Variants in FAM107B observed in about 807,000 individuals in gnomAD.
The protein encoded by FAM107B is family with sequence similarity 107 member B.
A neutral mutation model predicts 31.5 loss-of-function variants in FAM107B; 21 were observed. That is an observed-to-expected ratio of 0.67 (90% CI 0.47 to 0.96). The LOEUF (loss-of-function observed/expected upper bound fraction) is 0.96, where lower values mean the gene tolerates loss of function less well. FAM107B is among the 40% of genes least tolerant of loss of function. The probability of loss-of-function intolerance (pLI) is 0.00; values close to 1 mark genes in which losing one functional copy is unlikely to be tolerated. For missense variants in FAM107B, 452 were observed against 377.1 expected, an observed-to-expected ratio of 1.20 and a Z score of -1.64; for synonymous variants, 157 against 141.5, an observed-to-expected ratio of 1.11 and a Z score of -0.78.
intron 1 of FAM107B, among the ~76,000 whole-genome samples, chr10:14,729,980 T>C (rs906371349): frequency 1.3e-5 from 2 of 151,514 alleles, no homozygotes; most frequent in African/African-American, 4.8e-5. Context: ...TAAATGGGAG[T>C]TGAACAATGA....
chr10:14,578,499 TG>T (rs1588628320), intron 2 of FAM107B, among the ~76,000 whole-genome samples: 1 of 152,066 alleles, frequency 6.6e-6, no homozygotes, highest in Non-Finnish European at 1.5e-5. Flanking sequence ...AAGCCTTCAC[TG>T]GGGAAAAAAA....
chr10:14,723,968 G>A, intron 1 of FAM107B: 5 of 749,720 alleles, frequency 6.7e-6, no homozygotes, highest in African/African-American at 1.7e-5. Context: ...TGGAAGTCAA[G>A]GTTAGTGTCA....
intron 1 of FAM107B, among the ~76,000 whole-genome samples, chr10:14,678,098 C>A (rs892851354): frequency 6.6e-6 from 1 of 152,176 alleles, no homozygotes; most frequent in Non-Finnish European, 1.5e-5. Context: ...TGGAACCTGA[C>A]GACAAGCCTA....
At chr10:14,757,066 C>T (rs1342333326) in intron 1 of FAM107B, among the ~76,000 whole-genome samples, 1 of 152,010 alleles carries the variant, frequency 6.6e-6, no homozygotes, top group Non-Finnish European at 1.5e-5. Flanking sequence ...AGGCTTAATA[C>T]CTGGATGATA....
chr10:14,744,618 C>G (rs370603767), intron 1 of FAM107B, among the ~76,000 whole-genome samples: 1 of 151,894 alleles, frequency 6.6e-6, no homozygotes, highest in Non-Finnish European at 1.5e-5. Context: ...TGGTTTTTGT[C>G]TTTAGTTCTG....
chr10:14,706,027 A>G (rs1337798159), intron 1 of FAM107B, among the ~76,000 whole-genome samples: 1 of 152,166 alleles, frequency 6.6e-6, no homozygotes, highest in African/African-American at 2.4e-5. Flanking sequence ...GCAAATTAAC[A>G]TACCCTTCCT....
intron 2 of FAM107B, among the ~76,000 whole-genome samples, chr10:14,601,593 C>T (rs1032313899): frequency 3.3e-5 from 5 of 152,174 alleles, no homozygotes; most frequent in Non-Finnish European, 7.4e-5. Flanking sequence ...GTGTGCCCCA[C>T]AGCACACTAG....
rs2131100172 is a variant in FAM107B at position 14,554,226 on chromosome 10, G to A, written c.470-23711C>T. 1.5e-5 allele frequency: 13 copies of A among 854,410 alleles called. No individual in the cohort carries two copies. In the South Asian group the frequency reaches 1.6e-4, roughly 11 times the overall value. 52.9% of individuals were successfully genotyped at this position (854,410 alleles called of 1,614,324 possible). A position where few individuals can be genotyped will look rare whatever the true frequency, so the allele number is the denominator to read the frequency against. On this transcript the variant is annotated intron_variant, in intron 2 of 4. Transcript: ENST00000181796. ...TACTCCACAAACACACCTCCCCCAC[G>A]AATACTTCCCACCTACCTTATGGCA...
intron 2 of FAM107B, among the ~76,000 whole-genome samples, chr10:14,547,355 A>G (rs766397852): frequency 7.9e-5 from 12 of 152,196 alleles, no homozygotes; most frequent in Non-Finnish European, 1.5e-4. Flanking sequence ...GTAAAATGAC[A>G]GCCAGTCATT....
intron 1 of FAM107B, among the ~76,000 whole-genome samples, chr10:14,689,141 C>T (rs2131506130): frequency 6.6e-6 from 1 of 152,156 alleles, no homozygotes; most frequent in Non-Finnish European, 1.5e-5. Flanking sequence ...TGGCTCACAC[C>T]TGTAATGGTG....
chr10:14,621,812 C>T (rs547587585), intron 2 of FAM107B, among the ~76,000 whole-genome samples: 44 of 151,680 alleles, frequency 2.9e-4, no homozygotes, highest in African/African-American at 8.2e-4. Context: ...CTGCTGAAAG[C>T]GGAGTATAAC....
At chr10:14,668,314 G>C (rs1251168818) in intron 1 of FAM107B, among the ~76,000 whole-genome samples, 1 of 152,042 alleles carries the variant, frequency 6.6e-6, no homozygotes, top group Non-Finnish European at 1.5e-5. Context: ...AAGTGCTGGG[G>C]TTCCAGGAGT....
chr10:14,528,415 C>T (rs1846569124), intron 3 of FAM107B, among the ~76,000 whole-genome samples: 2 of 152,122 alleles, frequency 1.3e-5, no homozygotes, highest in Non-Finnish European at 2.9e-5. Flanking sequence ...CTCCTGACCT[C>T]AGTGGATCCA....
intron 1 of FAM107B, among the ~76,000 whole-genome samples, chr10:14,742,568 G>A (rs923737937): frequency 7.2e-5 from 11 of 152,128 alleles, no homozygotes; most frequent in African/African-American, 1.9e-4. Flanking sequence ...CTAAATATTC[G>A]TGAAATGCCT....
chr10:14,751,833 G>A (rs11259307), intron 1 of FAM107B, among the ~76,000 whole-genome samples: 79 of 152,100 alleles, frequency 5.2e-4, no homozygotes, highest in African/African-American at 1.8e-3. Context: ...GTAACGCACC[G>A]AGACTGAAGC....
At chr10:14,711,263 C>T (rs1855639685) in intron 1 of FAM107B, among the ~76,000 whole-genome samples, 1 of 152,128 alleles carries the variant, frequency 6.6e-6, no homozygotes, top group South Asian at 2.1e-4. Context: ...TTTATAAAGG[C>T]TACAGTAGTA....
intron 2 of FAM107B, among the ~76,000 whole-genome samples, chr10:14,658,745 C>A (rs1048574708): frequency 2.0e-5 from 3 of 152,184 alleles, no homozygotes; most frequent in Non-Finnish European, 4.4e-5. Context: ...AGGGTTCATT[C>A]CCCATTTAAT....
intron 1 of FAM107B, among the ~76,000 whole-genome samples, chr10:14,770,304 C>A (rs538869146): frequency 6.6e-6 from 1 of 152,228 alleles, no homozygotes; most frequent in East Asian, 1.9e-4. Flanking sequence ...GCGGGTGGAT[C>A]ATGAGGTCAG....
intron 2 of FAM107B, chr10:14,548,631 C>T: frequency 1.7e-5 from 17 of 985,466 alleles, no homozygotes; most frequent in Non-Finnish European, 2.0e-5. Context: ...GGGCTCTCTC[C>T]AGCTGCGAAG....
Sources: gnomAD v4.1 joint callset for allele counts (sites outside exome capture counted in the v4.1 genomes callset) on GRCh38, gnomAD v4.1.1 for gene constraint, MANE v1.5 for transcripts, NCBI Gene and HGNC (gene_info 2026-07-23, HGNC 2026-07-21) for gene names.